The following SLC6A6 variants were observed in gnomAD, a reference collection of about 807,000 sequenced individuals.
The protein encoded by SLC6A6 is sodium- and chloride-dependent taurine transporter.
Under a neutral mutation model 68.8 loss-of-function variants are expected in SLC6A6, and 16 were observed. The observed-to-expected ratio is 0.23, with a 90% CI of 0.16 to 0.35. The LOEUF (loss-of-function observed/expected upper bound fraction) is 0.35. Ranked by LOEUF, SLC6A6 falls within the 10% of genes least tolerant of loss-of-function variation. SLC6A6 has a pLI of 1.00. For missense variants in SLC6A6, 474 were observed against 802.8 expected (o/e 0.59, Z 4.95); for synonymous variants, 312 against 315.4 (o/e 0.99, Z 0.12).
chr3:14,456,898 G>A (rs1559304609), intron 5 of SLC6A6, among the ~76,000 whole-genome samples: 2 of 152,232 alleles, frequency 1.3e-5, no homozygotes, highest in Admixed American at 6.5e-5. Context: ...AGCCTGTGGT[G>A]GACAGGTAAC....
At position 14,472,381 on chromosome 3, in the gene SLC6A6, C is replaced by T. The variant is rs371071996; in HGVS notation, c.1209+64C>T. On this transcript the variant is annotated intron_variant, in intron 10 of 14. Coordinates refer to ENST00000622186, the MANE Select transcript of SLC6A6 (RefSeq NM_003043.6). The surrounding 1 kb of genome is among the most constrained non-coding windows in gnomAD (Gnocchi z 4.5). Reference sequence around the variant, plus strand: ...GGGGAACCTGACTCTGGGAAAGACTCCTTATTCCACCTGGGAGGTGGTCAA... The same window carrying T: ...GGGGAACCTGACTCTGGGAAAGACTTCTTATTCCACCTGGGAGGTGGTCAA... 250 of 971,352 alleles carry T rather than the reference C, an allele frequency of 2.6e-4. 1 individual carries two copies. In the African/African-American group the frequency reaches 3.0e-3, roughly 12 times the overall value. 60.2% of individuals were successfully genotyped at this position (971,352 alleles called of 1,614,324 possible). A position where few individuals can be genotyped will look rare whatever the true frequency, so the allele number is the denominator to read the frequency against.
chr3:14,472,707 C>T lies in SLC6A6; in HGVS notation c.1209+390C>T, dbSNP rs1369882994. 2.0e-5 allele frequency among the ~76,000 whole-genome samples: 3 copies of T among 152,120 alleles called. No individual in the cohort carries two copies. The highest frequency in any genetic ancestry group is 4.4e-5 in the Non-Finnish European group (3 of 68,014). ...GTCATGATGTGCTCCAGTGGAGCGT[C>T]GGCGGGGCACAGGAGGACATGGCAG... On this transcript the variant is annotated intron_variant, in intron 10 of 14. Coordinates refer to ENST00000622186, the MANE Select transcript of SLC6A6 (RefSeq NM_003043.6). The surrounding 1 kb of genome is among the most constrained non-coding windows in gnomAD (Gnocchi z 4.5).
chr3:14,425,248 C>G (rs191791560), intron 2 of SLC6A6, among the ~76,000 whole-genome samples: 283 of 152,284 alleles, frequency 1.9e-3, no homozygotes, highest in African/African-American at 6.6e-3. Flanking sequence ...CCTGAGGTCA[C>G]CACTTGCAGC....
rs368365084 is a variant in SLC6A6, at chr3:14,447,527, G to A, written c.365-55G>A. The A allele has an allele frequency of 2.2e-4, 350 of 1,600,608 alleles. 1 individual carries two copies. In the South Asian group the frequency reaches 2.9e-3, roughly 13 times the overall value. On this transcript the variant is annotated intron_variant, in intron 4 of 14. Coordinates refer to ENST00000622186, the MANE Select transcript of SLC6A6 (RefSeq NM_003043.6). Reference sequence around the variant, plus strand: ...TGGCCTTCCAGTTGAGTATGTGGCCGTGGTGGGTCTGGCCTCCCTCAGATG... The same window carrying A: ...TGGCCTTCCAGTTGAGTATGTGGCCATGGTGGGTCTGGCCTCCCTCAGATG...
At chr3:14,439,588 G>A (rs911462865) in intron 2 of SLC6A6, among the ~76,000 whole-genome samples, 3 of 152,220 alleles carry the variant, frequency 2.0e-5, no homozygotes, top group Admixed American at 2.0e-4. Context: ...ACTTGTAGCT[G>A]TAATAACCAA....
In SLC6A6 at chr3:14,414,341, C is replaced by A. The variant is rs143581035; in HGVS notation, c.-53-2071C>A. On this transcript the variant is annotated intron_variant, in intron 1 of 14. Coordinates refer to ENST00000622186, the MANE Select transcript of SLC6A6 (RefSeq NM_003043.6). ...CTATCTTTGAGCCAATCAAGACAGCCCCCTCTGATTGGCTAGGGCTGGCTC... is the reference window on the plus strand; with the variant it reads ...CTATCTTTGAGCCAATCAAGACAGCACCCTCTGATTGGCTAGGGCTGGCTC... Among the ~76,000 whole-genome samples the A allele has an allele frequency of 1.1e-3, 172 of 152,244 alleles. 1 individual carries two copies. Among genetic ancestry groups the A allele is most frequent in the Admixed American group, 2.1e-3 (32 of 15,292 alleles).
intron 5 of SLC6A6, among the ~76,000 whole-genome samples, chr3:14,449,730 G>T (rs4685162): frequency 0.04 from 6,027 of 152,190 alleles, 135 homozygotes; most frequent in South Asian, 0.1. Flanking sequence ...CCAGCCCTGA[G>T]AATCCATTAT....
Position 14,485,205 on chromosome 3 carries a change from T to G in SLC6A6, c.*198T>G. 2.4e-6 allele frequency: 1 copy of G among 419,132 alleles called. No individual in the cohort carries two copies. The allele number at this position is 419,132 out of a possible 1,614,324, so 26.0% of individuals were successfully genotyped here. A position where few individuals can be genotyped will look rare whatever the true frequency, so the allele number is the denominator to read the frequency against. ...CGTGTGTGTGTGTTTTGTTTTGATTTGGGGGATATTTTGTACAAAAAGAAA... is the reference window on the plus strand; with the variant it reads ...CGTGTGTGTGTGTTTTGTTTTGATTGGGGGGATATTTTGTACAAAAAGAAA... On this transcript the variant is annotated 3_prime_UTR_variant, in exon 15 of 15. Transcript: ENST00000622186.
Position 14,434,749 on chromosome 3 carries a change from C to G in SLC6A6, c.-11-8875C>G, listed in dbSNP as rs1699812000. Among the ~76,000 whole-genome samples the G allele has an allele frequency of 2.6e-5, 4 of 152,276 alleles. No individual in the cohort carries two copies. In the South Asian group the frequency reaches 8.3e-4, roughly 32 times the overall value. The stretch of plus-strand genomic sequence containing the variant: ...CGCCAGCCACCCTGCCTCATCCTGG[C>G]CCTTCTCAGGCCATCCTGCCACCGG... On this transcript the variant is annotated intron_variant, in intron 2 of 14. Coordinates refer to ENST00000622186, the MANE Select transcript of SLC6A6 (RefSeq NM_003043.6).
At chr3:14,440,042 C>A (rs994169275) in intron 2 of SLC6A6, among the ~76,000 whole-genome samples, 1 of 152,066 alleles carries the variant, frequency 6.6e-6, no homozygotes, top group Non-Finnish European at 1.5e-5. Flanking sequence ...GTAGTGATAG[C>A]GGTAGTAAGA....
intron 2 of SLC6A6, among the ~76,000 whole-genome samples, chr3:14,434,462 A>G (rs1273237418): frequency 3.3e-5 from 5 of 152,214 alleles, no homozygotes; most frequent in Non-Finnish European, 5.9e-5. Context: ...TCAGCTTGGT[A>G]GGGCTCACCC....
chr3:14,439,154 G>A (rs571902532), intron 2 of SLC6A6, among the ~76,000 whole-genome samples: 1 of 152,374 alleles, frequency 6.6e-6, no homozygotes, highest in Non-Finnish European at 1.5e-5. Context: ...AGGTGGCCAG[G>A]TGGGAACTCT....
intron 2 of SLC6A6, among the ~76,000 whole-genome samples, chr3:14,418,821 G>T (rs1223120193): frequency 1.3e-5 from 2 of 152,216 alleles, no homozygotes; most frequent in African/African-American, 4.8e-5. Context: ...AGAAAACTGA[G>T]GCTTGGAGAG....
chr3:14,465,575 C>T (rs1446861976), intron 6 of SLC6A6, among the ~76,000 whole-genome samples: 1 of 152,196 alleles, frequency 6.6e-6, no homozygotes, highest in Non-Finnish European at 1.5e-5. Flanking sequence ...GCTTCTATTA[C>T]TCTTATCTGA....
Position 14,443,389 on chromosome 3 carries a change from G to A in SLC6A6, c.-11-235G>A, listed in dbSNP as rs9875786. Among the ~76,000 whole-genome samples, 1,273 of 152,214 alleles carry A rather than the reference G, an allele frequency of 8.4e-3. 20 individuals carry two copies. Among genetic ancestry groups the A allele is most frequent in the African/African-American group, 0.029 (1,209 of 41,524 alleles). The stretch of plus-strand genomic sequence containing the variant: ...CAGGTGCCCGGGGAATGGACCTGCC[G>A]ATTCTGTGGGTTGCAAGTGTCCACA... On this transcript the variant is annotated intron_variant, in intron 2 of 14. Transcript: ENST00000622186.
intron 2 of SLC6A6, among the ~76,000 whole-genome samples, chr3:14,437,527 T>C (rs1280085433): frequency 6.6e-6 from 1 of 152,246 alleles, no homozygotes. Flanking sequence ...TATAACATGA[T>C]GTTTCACATC....
chr3:14,474,756 G>T (rs1252675288), intron 10 of SLC6A6, among the ~76,000 whole-genome samples: 1 of 152,170 alleles, frequency 6.6e-6, no homozygotes, highest in African/African-American at 2.4e-5. Flanking sequence ...TGTCCCAACT[G>T]GCCTTCCCCT....
rs1204015939 is a variant in SLC6A6, at chr3:14,468,035, G to T, written c.972-53G>T. On this transcript the variant is annotated intron_variant, in intron 8 of 14. Transcript: ENST00000622186. The surrounding 1 kb of genome is among the most constrained non-coding windows in gnomAD (Gnocchi z 4.5). Reference sequence around the variant, plus strand: ...TTAAAGAAAAAGAGAAGTAGGGAGCGTGGCTTCCTTGTGTTGTGAATTAAC... The same window carrying T: ...TTAAAGAAAAAGAGAAGTAGGGAGCTTGGCTTCCTTGTGTTGTGAATTAAC... The T allele has an allele frequency of 2.5e-6, 4 of 1,612,342 alleles. No homozygotes were observed. Among genetic ancestry groups the T allele is most frequent in the East Asian group, 4.5e-5 (2 of 44,888 alleles).
rs768726455 is a variant in SLC6A6, at chr3:14,479,183, G to A, written c.1549G>A (p.Val517Ile). ...SWAVITPVLC[V>I]GCFIFSLVKY... Reference sequence around the variant, plus strand: ...GGCTGTGATCACTCCAGTTCTCTGTGTTGTGAGTTCCATTTCTGTGGCTCT... The same window carrying A: ...GGCTGTGATCACTCCAGTTCTCTGTATTGTGAGTTCCATTTCTGTGGCTCT... Residue 517 changes from valine (V) to isoleucine (I), a missense_variant and splice_region_variant, in exon 13 of 15, where the codon GTT (valine) becomes ATT (isoleucine). Coordinates refer to ENST00000622186, the MANE Select transcript of SLC6A6 (RefSeq NM_003043.6). 79 of 1,600,510 alleles carry A rather than the reference G, an allele frequency of 4.9e-5. No homozygotes were observed. The highest frequency in any genetic ancestry group is 6.3e-5 in the Non-Finnish European group (73 of 1,167,650).
Sources: gnomAD v4.1 joint callset for allele counts (sites outside exome capture counted in the v4.1 genomes callset) on GRCh38, gnomAD v4.1.1 for gene constraint, Gnocchi (gnomAD v3.1) non-coding constraint, MANE v1.5 for transcripts, NCBI Gene and HGNC (gene_info 2026-07-23, HGNC 2026-07-21) for gene names.